The following TENM3 variants were observed in gnomAD, a reference collection of about 807,000 sequenced individuals.
TENM3 encodes teneurin-3.
TENM3 carries 63 observed loss-of-function variants against 255.1 expected under a neutral mutation model. That is an observed-to-expected ratio of 0.25 (90% CI 0.20 to 0.30). The LOEUF (loss-of-function observed/expected upper bound fraction) is 0.30, where lower values mean the gene tolerates loss of function less well. Among genes scored for constraint, TENM3 ranks in the 10% least tolerant of loss-of-function variants. The pLI is 1.00. For missense variants in TENM3, 2,929 were observed against 3,461.1 expected (o/e 0.85, Z 3.86); for synonymous variants, 1,306 against 1,322.3 (o/e 0.99, Z 0.27).
At chr4:182,280,970 G>A (rs760440827) in intron 1 of TENM3, among the ~76,000 whole-genome samples, 7 of 152,168 alleles carry the variant, frequency 4.6e-5, no homozygotes, top group African/African-American at 1.4e-4. Context: ...CTAAAATGAC[G>A]TGGTTCTGGG....
the TENM3 span, among the ~76,000 whole-genome samples, chr4:181,656,884 G>T: frequency 2.6e-5 from 4 of 152,222 alleles, no homozygotes; most frequent in African/African-American, 9.6e-5. Context: ...TATGTGCCAG[G>T]TAGGTTTCTA....
the TENM3 span, among the ~76,000 whole-genome samples, chr4:181,516,477 G>A: frequency 4.6e-5 from 7 of 151,952 alleles, no homozygotes; most frequent in Non-Finnish European, 8.8e-5. Context: ...TTAGTCCCAG[G>A]CCCCAAAATA....
At chr4:182,049,853 T>G in the TENM3 span, among the ~76,000 whole-genome samples, 1 of 152,066 alleles carries the variant, frequency 6.6e-6, no homozygotes, top group Non-Finnish European at 1.5e-5. Flanking sequence ...CAGGGAACAA[T>G]TAAGAACTTG....
chr4:181,925,549 A>T, the TENM3 span, among the ~76,000 whole-genome samples: 638 of 152,358 alleles, frequency 4.2e-3, 18 homozygotes, highest in South Asian at 0.059. Flanking sequence ...GGAGAACAGG[A>T]TAATTAACAA....
chr4:181,607,683 G>T, the TENM3 span, among the ~76,000 whole-genome samples: 11 of 152,132 alleles, frequency 7.2e-5, no homozygotes, highest in Non-Finnish European at 1.5e-4. Flanking sequence ...GATTACAGGA[G>T]TGAGTCACCG....
chr4:181,676,423 A>AC, the TENM3 span, among the ~76,000 whole-genome samples: 1 of 151,746 alleles, frequency 6.6e-6, no homozygotes, highest in African/African-American at 2.4e-5. Flanking sequence ...GGTTTGTTAC[A>AC]TGGGTAAATT....
intron 3 of TENM3, among the ~76,000 whole-genome samples, chr4:182,422,641 G>A (rs1770922818): frequency 6.6e-6 from 1 of 152,198 alleles, no homozygotes; most frequent in South Asian, 2.1e-4. Context: ...CTTGAAATTA[G>A]AATCGACTTG....
At chr4:181,630,927 C>T in the TENM3 span, among the ~76,000 whole-genome samples, 417 of 152,232 alleles carry the variant, frequency 2.7e-3, 2 homozygotes, top group African/African-American at 9.4e-3. Flanking sequence ...CAAAATTCTA[C>T]AAACATAACA....
At chr4:182,250,173 CTCCCGAGTAGCTGGG>C (rs1477836982) in intron 1 of TENM3, among the ~76,000 whole-genome samples, 3 of 151,702 alleles carry the variant, frequency 2.0e-5, no homozygotes, top group Non-Finnish European at 4.4e-5. Flanking sequence ...CTGCCTCAGC[CTCCCGAGTAGCTGGG>C]ACCACAGGCG....
chr4:182,731,411 G>C (rs1760691254), intron 16 of TENM3, among the ~76,000 whole-genome samples: 1 of 151,964 alleles, frequency 6.6e-6, no homozygotes, highest in South Asian at 2.1e-4. Context: ...GGGAGGCTGA[G>C]GCAGGAGAAT....
At chr4:181,929,731 C>A in the TENM3 span, among the ~76,000 whole-genome samples, 1 of 152,290 alleles carries the variant, frequency 6.6e-6, no homozygotes, top group East Asian at 1.9e-4. Context: ...AATATACATT[C>A]TTCTCAGCAC....
the TENM3 span, among the ~76,000 whole-genome samples, chr4:181,791,350 G>C: frequency 2.6e-5 from 4 of 152,070 alleles, no homozygotes; most frequent in Admixed American, 2.0e-4. Flanking sequence ...CATGTTTGAA[G>C]TCTCTAGCCT....
chr4:181,733,368 G>T, the TENM3 span, among the ~76,000 whole-genome samples: 1 of 152,118 alleles, frequency 6.6e-6, no homozygotes, highest in South Asian at 2.1e-4. Flanking sequence ...TGGAAAGTTT[G>T]TATATCTTTA....
intron 3 of TENM3, among the ~76,000 whole-genome samples, chr4:182,462,753 G>A (rs896305808): frequency 1.3e-5 from 2 of 151,798 alleles, no homozygotes; most frequent in Non-Finnish European, 2.9e-5. Context: ...TGGGTGTGGT[G>A]GTGGGCGCCT....
At position 182,409,577 on chromosome 4, in the gene TENM3, T is replaced by C. The variant is rs116283309; in HGVS notation, c.511+62648T>C. 7.0e-3 allele frequency among the ~76,000 whole-genome samples: 1,070 copies of C among 152,290 alleles called. 6 individuals are homozygous for C. Among genetic ancestry groups the C allele is most frequent in the Non-Finnish European group, 0.01 (713 of 68,022 alleles). Reference sequence around the variant, plus strand: ...GGTGCAGGCTCTCATTAATCACTTCTGGTTCTTCAGCAGTCGATGATGAGG... The same window carrying C: ...GGTGCAGGCTCTCATTAATCACTTCCGGTTCTTCAGCAGTCGATGATGAGG... On this transcript the variant is annotated intron_variant, in intron 3 of 27. Transcript: ENST00000511685.
intron 1 of TENM3, among the ~76,000 whole-genome samples, chr4:182,226,571 G>A (rs1756169721): frequency 6.6e-6 from 1 of 152,150 alleles, no homozygotes; most frequent in South Asian, 2.1e-4. Flanking sequence ...ATAAAATGCA[G>A]CTGTGGATTA....
chr4:181,989,076 A>G, the TENM3 span, among the ~76,000 whole-genome samples: 873 of 152,220 alleles, frequency 5.7e-3, 4 homozygotes, highest in Non-Finnish European at 7.2e-3. Context: ...TAACTTAATG[A>G]ATATTTATTG....
At chr4:182,522,089 TG>T (rs1214617177) in intron 3 of TENM3, among the ~76,000 whole-genome samples, 1 of 152,230 alleles carries the variant, frequency 6.6e-6, no homozygotes, top group Non-Finnish European at 1.5e-5. Flanking sequence ...TTTAAGTACA[TG>T]TGATATTTTG....
chr4:182,102,422 T>C, the TENM3 span, among the ~76,000 whole-genome samples: 77 of 152,260 alleles, frequency 5.1e-4, no homozygotes, highest in Non-Finnish European at 6.9e-4. Flanking sequence ...CATTAAGTGA[T>C]CAATTACTGG....
Sources: allele counts gnomAD v4.1 joint callset (sites outside exome capture counted in the v4.1 genomes callset), GRCh38; gene constraint gnomAD v4.1.1; transcripts MANE v1.5; gene names NCBI Gene and HGNC (gene_info 2026-07-23, HGNC 2026-07-21).